Variants in BICC1 observed in about 807,000 individuals in gnomAD.
The protein encoded by BICC1 is BicC family RNA binding protein 1.
BICC1 carries 43 observed loss-of-function variants against 111.0 expected under a neutral mutation model. The observed-to-expected ratio is 0.39, with a 90% confidence interval of 0.30 to 0.50. The LOEUF is 0.50. Among genes scored for constraint, BICC1 ranks in the 20% least tolerant of loss-of-function variants. The probability of loss-of-function intolerance (pLI) is 0.88; values close to 1 mark genes in which losing one functional copy is unlikely to be tolerated. For synonymous variants in BICC1, 467 were observed against 434.4 expected (o/e 1.07, Z -0.93); for missense variants, 1,091 against 1,203.2 (o/e 0.91, Z 1.38).
chr10:58,715,805 T>C, intron 3 of BICC1: 2 of 1,340,078 alleles, frequency 1.5e-6, no homozygotes. Flanking sequence ...TAACTGCAAG[T>C]GAGAGCTCAT....
chr10:58,801,166 AT>A, intron 14 of BICC1, 120 bp downstream of exon 14: 2 of 900,170 alleles, frequency 2.2e-6, no homozygotes, highest in Non-Finnish European at 3.0e-6. Context: ...GGGTGTTTTC[AT>A]TTTAACTTTT....
At chr10:58,784,968 G>A in intron 3 of BICC1, 33 bp from the exon 4 acceptor site, 1 of 1,266,326 alleles carries the variant, frequency 7.9e-7, no homozygotes, top group Non-Finnish European at 1.1e-6. Context: ...GAGTTTGGGA[G>A]TTTCACACAA....
intron 3 of BICC1, among the ~76,000 whole-genome samples, chr10:58,717,509 C>A (rs1485229195): frequency 6.6e-6 from 1 of 151,944 alleles, no homozygotes; most frequent in African/African-American, 2.4e-5. Context: ...CAAAGTATGA[C>A]AAGTTAAGTT....
chr10:58,769,690 A>G (rs1842570717), intron 3 of BICC1, among the ~76,000 whole-genome samples: 1 of 151,848 alleles, frequency 6.6e-6, no homozygotes, highest in African/African-American at 2.4e-5. Context: ...GGGATCAATT[A>G]TTGTTATTTT....
At chr10:58,579,816 A>G (rs1248377445) in intron 1 of BICC1, among the ~76,000 whole-genome samples, 1 of 152,206 alleles carries the variant, frequency 6.6e-6, no homozygotes, top group Non-Finnish European at 1.5e-5. Flanking sequence ...TTTACAGGGC[A>G]AAGAAAGCAC....
intron 2 of BICC1, among the ~76,000 whole-genome samples, chr10:58,630,129 A>C (rs751548758): frequency 2.0e-5 from 3 of 152,112 alleles, no homozygotes; most frequent in Non-Finnish European, 4.4e-5. Context: ...TGCTCTGTGA[A>C]CTCAGCTGAG....
chr10:58,718,599 C>G (rs956574813), intron 3 of BICC1, among the ~76,000 whole-genome samples: 4 of 152,068 alleles, frequency 2.6e-5, no homozygotes, highest in African/African-American at 9.7e-5. Context: ...CTATATCAAA[C>G]TAGAATGAAA....
At chr10:58,563,953 G>T (rs1240007224) in intron 1 of BICC1, among the ~76,000 whole-genome samples, 1 of 151,982 alleles carries the variant, frequency 6.6e-6, no homozygotes, top group African/African-American at 2.4e-5. Context: ...ATTTTATTTT[G>T]TACGGCTCTT....
In BICC1 at chr10:58,689,342, C is replaced by A. The variant is rs751916789; in HGVS notation, c.238-12732C>A. Among the ~76,000 whole-genome samples the A allele has an allele frequency of 4.6e-5, 7 of 152,184 alleles. No individual in the cohort carries two copies. The South Asian group carries it at 1.0e-3, about 23-fold the overall frequency. Reference sequence around the variant, plus strand: ...AGACCTCTTCTCCCTTGTCTGTGGCCCAGATTGGATCACGTGCCTATTGGT... The same window carrying A: ...AGACCTCTTCTCCCTTGTCTGTGGCACAGATTGGATCACGTGCCTATTGGT... On this transcript the variant is annotated intron_variant, in intron 2 of 20. Coordinates refer to ENST00000373886, the MANE Select transcript of BICC1 (RefSeq NM_001080512.3).
At chr10:58,647,556 T>C (rs1838306300) in intron 2 of BICC1, among the ~76,000 whole-genome samples, 1 of 152,066 alleles carries the variant, frequency 6.6e-6, no homozygotes, top group Non-Finnish European at 1.5e-5. Context: ...GAGTGAGTGA[T>C]TTTTTTCCCC....
intron 3 of BICC1, among the ~76,000 whole-genome samples, chr10:58,709,219 A>G (rs1299066037): frequency 2.0e-5 from 3 of 152,186 alleles, no homozygotes; most frequent in Non-Finnish European, 4.4e-5. Flanking sequence ...ACCGTCCCAC[A>G]CCACACCTTT....
At chr10:58,688,497 G>A (rs1055339911) in intron 2 of BICC1, among the ~76,000 whole-genome samples, 11 of 151,990 alleles carry the variant, frequency 7.2e-5, no homozygotes, top group African/African-American at 1.9e-4. Context: ...AAGCCCAGCC[G>A]GCTTCACCTC....
At chr10:58,564,897 T>C (rs2131960949) in intron 1 of BICC1, among the ~76,000 whole-genome samples, 1 of 152,322 alleles carries the variant, frequency 6.6e-6, no homozygotes, top group South Asian at 2.1e-4. Flanking sequence ...GTCCTTTTCA[T>C]TTTATATAAT....
At chr10:58,770,990 A>G (rs185548851) in intron 3 of BICC1, among the ~76,000 whole-genome samples, 1 of 152,236 alleles carries the variant, frequency 6.6e-6, no homozygotes, top group African/African-American at 2.4e-5. Flanking sequence ...TGTGTCAAAG[A>G]CACTGCTAAG....
chr10:58,786,031 A>G (rs1163724863), intron 4 of BICC1, among the ~76,000 whole-genome samples: 1 of 152,222 alleles, frequency 6.6e-6, no homozygotes, highest in Non-Finnish European at 1.5e-5. Context: ...GGTTAAACTG[A>G]AAGAACTAAA....
intron 2 of BICC1, among the ~76,000 whole-genome samples, chr10:58,626,344 G>A (rs1245017109): frequency 2.6e-5 from 4 of 152,124 alleles, no homozygotes; most frequent in African/African-American, 9.7e-5. Flanking sequence ...CCGTGATCAT[G>A]TTTTCTTTAT....
rs1256656520 is a variant in BICC1, at chr10:58,807,178, A to G, written c.2376+20A>G. On this transcript the variant is annotated intron_variant, in intron 17 of 20. Coordinates refer to ENST00000373886, the MANE Select transcript of BICC1 (RefSeq NM_001080512.3). ...TATGAGGTTTGTAGAGTCATGTCCTACTCATTCTTCCTGTCTGTTCTTTCA... is the reference window on the plus strand; with the variant it reads ...TATGAGGTTTGTAGAGTCATGTCCTGCTCATTCTTCCTGTCTGTTCTTTCA... 2 of 1,596,142 alleles carry G rather than the reference A, an allele frequency of 1.3e-6. No individual in the cohort carries two copies. Among genetic ancestry groups the G allele is most frequent in the African/African-American group, 2.7e-5 (2 of 74,316 alleles).
At chr10:58,811,880 C>T (rs922914452) in intron 17 of BICC1, among the ~76,000 whole-genome samples, 2 of 152,056 alleles carry the variant, frequency 1.3e-5, no homozygotes, top group Admixed American at 6.6e-5. Context: ...ACAACTGGCA[C>T]GATCACCCCA....
chr10:58,793,745 G>A (rs1007574517), intron 9 of BICC1, 130 bp downstream of exon 9: 6 of 978,410 alleles, frequency 6.1e-6, no homozygotes, highest in African/African-American at 5.2e-5. Context: ...TCCCCAATCC[G>A]GAATGCTCCA....
Sources: allele counts gnomAD v4.1 joint callset (sites outside exome capture counted in the v4.1 genomes callset), GRCh38; gene constraint gnomAD v4.1.1; transcripts MANE v1.5; gene names NCBI Gene and HGNC (gene_info 2026-07-23, HGNC 2026-07-21).